The following KIF25 variants were observed in gnomAD, a reference collection of about 807,000 sequenced individuals.
KIF25 encodes the protein kinesin-like protein KIF25.
A neutral mutation model predicts 32.9 loss-of-function variants in KIF25; 19 were observed. The observed-to-expected ratio is 0.58, with a 90% CI of 0.40 to 0.85. The LOEUF (loss-of-function observed/expected upper bound fraction) is 0.85, where lower values mean the gene tolerates loss of function less well. Ranked by LOEUF, KIF25 falls within the 40% of genes least tolerant of loss-of-function variation. The pLI, the probability that KIF25 is intolerant of heterozygous loss-of-function variation, is 0.00. For missense variants in KIF25, 485 were observed against 507.0 expected (o/e 0.96, Z 0.42); for synonymous variants, 225 against 213.7 (o/e 1.05, Z -0.46).
At chr6:168,011,961 T>C (rs935299748) in intron 4 of KIF25, among the ~76,000 whole-genome samples, 2 of 152,178 alleles carry the variant, frequency 1.3e-5, no homozygotes, top group East Asian at 3.8e-4. Context: ...AGTCTGTTGT[T>C]GAAGCTCTCT....
chr6:168,027,466 A>G (rs1798877893), intron 5 of KIF25, among the ~76,000 whole-genome samples: 1 of 151,790 alleles, frequency 6.6e-6, no homozygotes, highest in Admixed American at 6.6e-5. Context: ...AAAAAAAAAA[A>G]AAAAAAAAAG....
In KIF25 at chr6:168,038,621, A is replaced by T; in HGVS notation, c.386A>T (p.Asp129Val). Residue 129 changes from aspartate to valine, a missense_variant, in exon 9 of 13, where the codon GAC (aspartate) becomes GTC (valine). Physicochemically the swap from Asp to Val is radical, Grantham distance 152. This residue lies in a region of KIF25 where 480 missense variants were observed against 470.3 expected (regional missense o/e 1.02). Transcript: ENST00000643607. The part of the protein sequence containing the change: ...EVSIVEVYNN[D>V]IFDLLAKDSI... ...TCCATAGTGGAAGTTTACAATAATG[A>T]CATTTTTGACCTTCTGGCCAAAGAC... 1 of 1,614,156 alleles carries T rather than the reference A, an allele frequency of 6.2e-7. No homozygotes were observed. The highest frequency in any genetic ancestry group is 1.1e-5 in the South Asian group (1 of 91,080).
At chr6:168,039,501 GGGCCCCGGA>G (rs1284187007) in intron 9 of KIF25, among the ~76,000 whole-genome samples, 1 of 152,180 alleles carries the variant, frequency 6.6e-6, no homozygotes, top group African/African-American at 2.4e-5. Context: ...TGCCCATCCT[GGGCCCCGGA>G]GGCAGCAAGG....
At chr6:168,000,373 G>A (rs114187644) in intron 2 of KIF25, among the ~76,000 whole-genome samples, 9,547 of 45,826 alleles carry the variant, frequency 0.21, 842 homozygotes, top group East Asian at 0.52. Context: ...TCCCGACCAC[G>A]CCTGACCTTC....
rs80122529 is a variant in KIF25 at position 168,040,266 on chromosome 6, T to A, written c.646+50T>A. 832 of 1,557,136 alleles carry A rather than the reference T, an allele frequency of 5.3e-4. 13 individuals carry two copies. The East Asian group carries it at 0.015, about 29-fold the overall frequency. Reference sequence around the variant, plus strand: ...AGTGGCAAGTAATAGAAAAACCCACTTAAGAAGAAAAAAATCAGGCCAGGC... The same window carrying A: ...AGTGGCAAGTAATAGAAAAACCCACATAAGAAGAAAAAAATCAGGCCAGGC... On this transcript the variant is annotated intron_variant, in intron 10 of 12. Transcript: ENST00000643607.
chr6:168,019,853 G>GGT (rs1297917683), intron 5 of KIF25, among the ~76,000 whole-genome samples: 48 of 152,304 alleles, frequency 3.2e-4, no homozygotes. Context: ...GTCGGCCGGA[G>GGT]GTGGGGCGCG....
chr6:168,033,233 C>A (rs1450728443), intron 7 of KIF25, among the ~76,000 whole-genome samples: 2 of 152,172 alleles, frequency 1.3e-5, no homozygotes, highest in Non-Finnish European at 2.9e-5. Context: ...GCAAAAATGG[C>A]TCATGCTTGT....
At position 168,032,539 on chromosome 6, in the gene KIF25, C is replaced by T. The variant is rs116228554; in HGVS notation, c.168-1343C>T. Among the ~76,000 whole-genome samples the T allele has an allele frequency of 9.6e-3, 1,459 of 152,280 alleles. 29 individuals carry two copies. The highest frequency in any genetic ancestry group is 0.033 in the African/African-American group (1,388 of 41,542). Reference sequence around the variant, plus strand: ...AGAGGCCTGATCAGCTTGGCGGGAGCTTGTGGTTTCCAGGCTCTTGTGGCT... The same window carrying T: ...AGAGGCCTGATCAGCTTGGCGGGAGTTTGTGGTTTCCAGGCTCTTGTGGCT... On this transcript the variant is annotated intron_variant, in intron 7 of 12. Coordinates refer to ENST00000643607, the MANE Select transcript of KIF25 (RefSeq NM_030615.4).
chr6:168,039,956 G>A lies in KIF25; in HGVS notation c.495-109G>A, dbSNP rs182617818. 1.3e-4 allele frequency: 170 copies of A among 1,325,572 alleles called. No homozygotes were observed. The East Asian group carries it at 2.7e-3, about 21-fold the overall frequency. The allele number at this position is 1,325,572 out of a possible 1,614,324, so 82.1% of individuals were successfully genotyped here. Reference sequence around the variant, plus strand: ...TGAGACTGGCTTCAGTACCCCACTGGCACGCGTGGCTCATGTGAGAGGCTT... The same window carrying A: ...TGAGACTGGCTTCAGTACCCCACTGACACGCGTGGCTCATGTGAGAGGCTT... On this transcript the variant is annotated intron_variant, in intron 9 of 12. Coordinates refer to ENST00000643607, the MANE Select transcript of KIF25 (RefSeq NM_030615.4).
At chr6:168,035,486 GT>G (rs1799009519) in intron 8 of KIF25, among the ~76,000 whole-genome samples, 69 of 146,526 alleles carry the variant, frequency 4.7e-4, no homozygotes, top group African/African-American at 7.1e-4. Context: ...CGGTGCTGAG[GT>G]GGTGGCGGGA....
rs149691479 is a variant in KIF25, at chr6:168,003,631, C to G, written c.-235C>G. ...TCCCTCAGCTCCATCTCTAGAGAAGCGGCCCATGCTGTTGATGACCTGAGT... is the reference window on the plus strand; with the variant it reads ...TCCCTCAGCTCCATCTCTAGAGAAGGGGCCCATGCTGTTGATGACCTGAGT... On this transcript the variant is annotated 5_prime_UTR_variant, in exon 4 of 13. Transcript: ENST00000643607. 6.6e-6 allele frequency: 1 copy of G among 152,220 alleles called. No individual in the cohort carries two copies. Among genetic ancestry groups the G allele is most frequent in the Non-Finnish European group, 1.5e-5 (1 of 68,046 alleles). The allele number at this position is 152,220 out of a possible 1,614,324, so 9.4% of individuals were successfully genotyped here. A position where few individuals can be genotyped will look rare whatever the true frequency, so the allele number is the denominator to read the frequency against.
intron 4 of KIF25, among the ~76,000 whole-genome samples, chr6:168,010,384 A>G (rs1224948152): frequency 6.6e-6 from 1 of 152,144 alleles, no homozygotes; most frequent in Admixed American, 6.5e-5. Flanking sequence ...GCCTTCATCC[A>G]TTGGTCATTC....
At chr6:168,042,855 A>C in intron 12 of KIF25, 139 bp downstream of exon 12, 4 of 981,714 alleles carry the variant, frequency 4.1e-6, no homozygotes, top group East Asian at 2.7e-5. Context: ...GCTAGCTGGC[A>C]CTCCCACGGC....
In KIF25 at chr6:168,041,966, C is replaced by T; in HGVS notation, c.647-3C>T. ...CTCCTCGTCGCTCCTTGGTCCCTTG[C>T]AGCAGACCAAGCCTGCAGTGCCACC... On this transcript the variant is annotated splice_polypyrimidine_tract_variant and splice_region_variant and intron_variant, in intron 10 of 12. Transcript: ENST00000643607. 13 of 1,551,344 alleles carry T rather than the reference C, an allele frequency of 8.4e-6. No individual in the cohort carries two copies. Among genetic ancestry groups the T allele is most frequent in the Non-Finnish European group, 1.1e-5 (13 of 1,146,994 alleles).
chr6:168,027,250 C>T (rs760487910), intron 5 of KIF25, among the ~76,000 whole-genome samples: 14 of 151,948 alleles, frequency 9.2e-5, no homozygotes, highest in Admixed American at 2.0e-4. Flanking sequence ...CTCAGGAGTT[C>T]GAGACCACCC....
intron 5 of KIF25, among the ~76,000 whole-genome samples, chr6:168,020,948 A>G (rs192722977): frequency 2.4e-4 from 36 of 152,380 alleles, no homozygotes; most frequent in African/African-American, 7.2e-4. Flanking sequence ...AACCCAAATC[A>G]TAGCAGGATG....
At position 168,045,060 on chromosome 6, in the gene KIF25, C is replaced by T; in HGVS notation, c.*64C>T. ...GTCCTTGCTTTATAATGCATATGTG[C>T]TTAGAAATAAACAGGTTTCACGTGG... On this transcript the variant is annotated 3_prime_UTR_variant, in exon 13 of 13. Transcript: ENST00000643607. 6 of 1,464,974 alleles carry T rather than the reference C, an allele frequency of 4.1e-6. No homozygotes were observed. Among genetic ancestry groups the T allele is most frequent in the Non-Finnish European group, 5.5e-6 (6 of 1,087,018 alleles). The allele number at this position is 1,464,974 out of a possible 1,614,324, so 90.7% of individuals were successfully genotyped here.
intron 2 of KIF25, among the ~76,000 whole-genome samples, chr6:168,001,949 C>A (rs1166409697): frequency 1.9e-5 from 2 of 108,094 alleles, no homozygotes; most frequent in South Asian, 3.3e-4. Context: ...ACACCTGAGG[C>A]GTGGCCGCGG....
chr6:168,028,398 C>T (rs1798894513), intron 5 of KIF25, among the ~76,000 whole-genome samples: 1 of 151,970 alleles, frequency 6.6e-6, no homozygotes, highest in African/African-American at 2.4e-5. Context: ...CCTGAGATGC[C>T]CCTTTATCTG....
Sources: allele counts gnomAD v4.1 joint callset (sites outside exome capture counted in the v4.1 genomes callset), GRCh38; gene constraint gnomAD v4.1.1; regional missense constraint gnomAD v4.1.1; transcripts MANE v1.5; gene names NCBI Gene and HGNC (gene_info 2026-07-23, HGNC 2026-07-21).